TMEM117: variants seen among roughly 807,000 people sequenced by gnomAD.
TMEM117 encodes the protein transmembrane protein 117.
In TMEM117, 27 loss-of-function variants were observed where a neutral mutation model predicts 52.4. That is an observed-to-expected ratio of 0.51 (90% CI 0.38 to 0.71). TMEM117 has a LOEUF of 0.71. TMEM117 is among the 30% of genes least tolerant of loss of function. The probability of loss-of-function intolerance (pLI) is 0.00; values close to 1 mark genes in which losing one functional copy is unlikely to be tolerated. For synonymous variants in TMEM117, 215 were observed against 206.3 expected (o/e 1.04, Z -0.36); for missense variants, 556 against 630.5 (o/e 0.88, Z 1.26).
intron 2 of TMEM117, among the ~76,000 whole-genome samples, chr12:43,932,754 G>A (rs1944891578): frequency 6.6e-6 from 1 of 152,126 alleles, no homozygotes. Flanking sequence ...ATTTAAACTT[G>A]TATCTTATGA....
chr12:44,152,848 A>G (rs1182921596), intron 4 of TMEM117, among the ~76,000 whole-genome samples: 1 of 145,072 alleles, frequency 6.9e-6, no homozygotes, highest in Non-Finnish European at 1.5e-5. Context: ...TTATATAAAT[A>G]CAATATATAC....
chr12:44,117,325 A>G (rs1176347921), intron 3 of TMEM117, among the ~76,000 whole-genome samples: 1 of 151,452 alleles, frequency 6.6e-6, no homozygotes, highest in Non-Finnish European at 1.5e-5. Flanking sequence ...TGGAAGCTTT[A>G]TCTAATCCAT....
chr12:44,317,765 A>G (rs914778414), intron 6 of TMEM117, among the ~76,000 whole-genome samples: 4 of 152,178 alleles, frequency 2.6e-5, no homozygotes, highest in Non-Finnish European at 4.4e-5. Flanking sequence ...GCTCTGGCCA[A>G]CGTGAACGGG....
At chr12:44,009,481 C>T (rs1946255399) in intron 3 of TMEM117, 1 of 225,080 alleles carries the variant, frequency 4.4e-6, no homozygotes, top group Admixed American at 5.4e-5. Context: ...GAGATGCCAT[C>T]TTCCAGTCTT....
At chr12:44,159,830 A>G (rs778866429) in intron 4 of TMEM117, among the ~76,000 whole-genome samples, 14 of 148,750 alleles carry the variant, frequency 9.4e-5, no homozygotes, top group Non-Finnish European at 1.5e-4. Flanking sequence ...GTTCTTGATA[A>G]TAATACTAAA....
At chr12:44,234,862 T>C (rs1162656040) in intron 5 of TMEM117, among the ~76,000 whole-genome samples, 1 of 151,530 alleles carries the variant, frequency 6.6e-6, no homozygotes, top group Non-Finnish European at 1.5e-5. Flanking sequence ...TTATATCTCT[T>C]TATATATCAT....
the TMEM117 span, among the ~76,000 whole-genome samples, chr12:43,821,504 C>T: frequency 6.6e-6 from 1 of 152,204 alleles, no homozygotes; most frequent in African/African-American, 2.4e-5. Context: ...TGGTCTCAAA[C>T]TCCTGGGCTG....
the TMEM117 span, among the ~76,000 whole-genome samples, chr12:43,805,119 G>T: frequency 6.6e-6 from 1 of 152,170 alleles, no homozygotes; most frequent in Non-Finnish European, 1.5e-5. Flanking sequence ...TAAACTCATT[G>T]AATAAATATG....
chr12:44,006,420 C>T (rs557054686), intron 3 of TMEM117, among the ~76,000 whole-genome samples: 2 of 152,166 alleles, frequency 1.3e-5, no homozygotes, highest in East Asian at 1.9e-4. Context: ...GGCATTTTTC[C>T]CAAGGCAAAC....
chr12:44,097,464 C>A (rs1293683066), intron 3 of TMEM117, among the ~76,000 whole-genome samples: 1 of 151,900 alleles, frequency 6.6e-6, no homozygotes, highest in African/African-American at 2.4e-5. Flanking sequence ...TGGAACCAAC[C>A]CAAATGTCCA....
intron 6 of TMEM117, among the ~76,000 whole-genome samples, chr12:44,328,331 C>G (rs1019900266): frequency 2.0e-5 from 3 of 151,656 alleles, no homozygotes; most frequent in Non-Finnish European, 4.4e-5. Context: ...TGTGCGCTGA[C>G]TCAAATTGAA....
At chr12:44,269,204 C>T (rs1379945163) in intron 5 of TMEM117, among the ~76,000 whole-genome samples, 1 of 151,974 alleles carries the variant, frequency 6.6e-6, no homozygotes, top group Non-Finnish European at 1.5e-5. Flanking sequence ...CTAAAAGTAA[C>T]ACATGCAAAT....
the TMEM117 span, chr12:43,796,950 TGAA>T: frequency 1.2e-6 from 2 of 1,602,900 alleles, no homozygotes; most frequent in Non-Finnish European, 8.5e-7. Flanking sequence ...TAGCAAAAAC[TGAA>T]GATTTTAAAA....
intron 5 of TMEM117, among the ~76,000 whole-genome samples, chr12:44,261,192 C>A (rs746662927): frequency 4.9e-4 from 74 of 152,128 alleles, no homozygotes; most frequent in Non-Finnish European, 6.6e-4. Context: ...ATCTTATAGG[C>A]ACTTCACATG....
chr12:44,294,648 C>G (rs1326243143), intron 5 of TMEM117, among the ~76,000 whole-genome samples: 1 of 152,158 alleles, frequency 6.6e-6, no homozygotes, highest in East Asian at 1.9e-4. Flanking sequence ...CATCACTACT[C>G]TTGTGCTTTG....
At chr12:44,325,706 A>G (rs1284501481) in intron 6 of TMEM117, among the ~76,000 whole-genome samples, 1 of 152,164 alleles carries the variant, frequency 6.6e-6, no homozygotes, top group Non-Finnish European at 1.5e-5. Context: ...TGTTTACAAC[A>G]GTTGTTTTCA....
intron 2 of TMEM117, among the ~76,000 whole-genome samples, chr12:43,906,736 A>G (rs1043047898): frequency 3.3e-5 from 5 of 152,220 alleles, no homozygotes; most frequent in African/African-American, 1.2e-4. Context: ...GTGGTGACAG[A>G]CAGCACCTGG....
intron 6 of TMEM117, among the ~76,000 whole-genome samples, chr12:44,328,822 A>T (rs981451257): frequency 6.6e-6 from 1 of 152,048 alleles, no homozygotes; most frequent in African/African-American, 2.4e-5. Context: ...TTAAATATAG[A>T]TTTTATCAGT....
At chr12:43,860,512 G>T (rs183072470) in intron 2 of TMEM117, among the ~76,000 whole-genome samples, 2 of 152,256 alleles carry the variant, frequency 1.3e-5, no homozygotes, top group African/African-American at 4.8e-5. Flanking sequence ...GGGGTCCAGA[G>T]AGTTCCCGGA....
Sources: gnomAD v4.1 joint callset for allele counts (sites outside exome capture counted in the v4.1 genomes callset) on GRCh38, gnomAD v4.1.1 for gene constraint, MANE v1.5 for transcripts, NCBI Gene and HGNC (gene_info 2026-07-23, HGNC 2026-07-21) for gene names.